Variants in ULK4 observed in about 807,000 individuals in gnomAD.
ULK4 encodes the protein inactive serine/threonine-protein kinase ULK4.
A neutral mutation model predicts 160.6 loss-of-function variants in ULK4; 133 were observed. The ratio of observed to expected loss-of-function variants is 0.83; its 90% CI spans 0.72 to 0.96. ULK4 has a LOEUF of 0.96. Ranked by LOEUF, ULK4 falls within the 40% of genes least tolerant of loss-of-function variation. ULK4 has a pLI of 0.00. For missense variants in ULK4, 1,580 were observed against 1,499.5 expected, an observed-to-expected ratio of 1.05 and a Z score of -0.89; for synonymous variants, 534 against 539.8, an observed-to-expected ratio of 0.99 and a Z score of 0.15.
At chr3:41,571,987 G>A (rs961421653) in intron 31 of ULK4, among the ~76,000 whole-genome samples, 2 of 152,122 alleles carry the variant, frequency 1.3e-5, no homozygotes, top group African/African-American at 2.4e-5. Flanking sequence ...CACTGATAAC[G>A]TATTGAGAAC....
chr3:41,825,412 G>T (rs1212959363), intron 18 of ULK4, among the ~76,000 whole-genome samples: 1 of 139,548 alleles, frequency 7.2e-6, no homozygotes, highest in South Asian at 2.1e-4. Context: ...TAAAAACCTT[G>T]AAAAAAAATT....
At chr3:41,909,773 ATACAT>A (rs987277177) in intron 11 of ULK4, among the ~76,000 whole-genome samples, 3 of 152,188 alleles carry the variant, frequency 2.0e-5, no homozygotes, top group South Asian at 2.1e-4. Flanking sequence ...ATAGATAAAC[ATACAT>A]TACATTTAAA....
intron 30 of ULK4, among the ~76,000 whole-genome samples, chr3:41,642,552 G>A (rs936567917): frequency 1.3e-5 from 2 of 152,250 alleles, no homozygotes; most frequent in South Asian, 2.1e-4. Flanking sequence ...GTATTCCATG[G>A]TGTATATGTG....
rs377174029 is a variant in ULK4, at chr3:41,681,818, T to G, written c.2782-14A>C. The G allele has an allele frequency of 1.5e-5, 24 of 1,613,798 alleles. No individual in the cohort carries two copies. Among genetic ancestry groups the G allele is most frequent in the Middle Eastern group, 1.7e-4 (1 of 6,058 alleles). On this transcript the variant is annotated splice_polypyrimidine_tract_variant and intron_variant, in intron 27 of 36. Coordinates refer to ENST00000301831, the MANE Select transcript of ULK4 (RefSeq NM_017886.4). ...ATAGTCAACAACCTAAAAGAAAGCA[T>G]GTAAAAGACTCAGAATCTCTATGAA...
At chr3:41,706,397 A>T (rs1346788676) in intron 25 of ULK4, among the ~76,000 whole-genome samples, 16 of 145,184 alleles carry the variant, frequency 1.1e-4, no homozygotes, top group African/African-American at 3.3e-4. Context: ...TATATATATT[A>T]AATATATATA....
chr3:41,740,212 C>G (rs532964163), intron 22 of ULK4, among the ~76,000 whole-genome samples: 1 of 151,872 alleles, frequency 6.6e-6, no homozygotes, highest in Non-Finnish European at 1.5e-5. Flanking sequence ...TTTCCCCACA[C>G]AGTTAACCAA....
chr3:41,887,308 T>C (rs908410447), intron 16 of ULK4, among the ~76,000 whole-genome samples: 16 of 152,242 alleles, frequency 1.1e-4, no homozygotes, highest in Non-Finnish European at 1.9e-4. Context: ...TACCATTGTG[T>C]CATGACAATT....
At chr3:41,300,837 T>TTATATA (rs66602936) in intron 35 of ULK4, among the ~76,000 whole-genome samples, 648 of 57,412 alleles carry the variant, frequency 0.011, 11 homozygotes, top group Non-Finnish European at 0.017. Flanking sequence ...ATTTTACAGA[T>TTATATA]TATATATATA....
intron 20 of ULK4, among the ~76,000 whole-genome samples, chr3:41,790,292 A>G (rs996173911): frequency 6.6e-6 from 1 of 152,238 alleles, no homozygotes; most frequent in Non-Finnish European, 1.5e-5. Flanking sequence ...AGGTAGTATT[A>G]TTATCCTCAT....
intron 34 of ULK4, among the ~76,000 whole-genome samples, chr3:41,453,523 C>T (rs565503026): frequency 2.0e-5 from 3 of 152,278 alleles, no homozygotes; most frequent in South Asian, 4.1e-4. Context: ...ATACTATATG[C>T]CAGGTCCTGT....
chr3:41,676,725 G>C (rs982776614), intron 29 of ULK4, among the ~76,000 whole-genome samples: 1 of 151,990 alleles, frequency 6.6e-6, no homozygotes, highest in Non-Finnish European at 1.5e-5. Context: ...GATACATTTA[G>C]TATCAGGTAA....
intron 22 of ULK4, among the ~76,000 whole-genome samples, chr3:41,724,901 G>C (rs757721555): frequency 3.9e-5 from 6 of 152,070 alleles, no homozygotes; most frequent in Non-Finnish European, 8.8e-5. Context: ...TGACCATCTG[G>C]AGATAACCAG....
intron 2 of ULK4, among the ~76,000 whole-genome samples, chr3:41,953,997 C>T (rs1432624373): frequency 6.6e-6 from 1 of 151,960 alleles, no homozygotes; most frequent in Non-Finnish European, 1.5e-5. Flanking sequence ...TCCTGGCTAA[C>T]ACAGTGAAAC....
chr3:41,905,587 T>A (rs974975516), intron 12 of ULK4, among the ~76,000 whole-genome samples: 3 of 152,054 alleles, frequency 2.0e-5, no homozygotes, highest in African/African-American at 7.2e-5. Context: ...TTGTTATAAC[T>A]CCTATCTAGA....
intron 35 of ULK4, among the ~76,000 whole-genome samples, chr3:41,255,486 AAAAT>A (rs1169506589): frequency 9.8e-5 from 15 of 152,322 alleles, no homozygotes; most frequent in Admixed American, 7.8e-4. Flanking sequence ...TCCATCTCAA[AAAAT>A]AAATAAATAA....
At chr3:41,656,050 T>C (rs2034924592) in intron 30 of ULK4, among the ~76,000 whole-genome samples, 1 of 152,230 alleles carries the variant, frequency 6.6e-6, no homozygotes, top group Admixed American at 6.5e-5. Flanking sequence ...TGCAGTTTTT[T>C]TCTGCTATTG....
intron 32 of ULK4, among the ~76,000 whole-genome samples, chr3:41,534,114 ACTTT>A (rs1429596648): frequency 6.6e-6 from 1 of 152,192 alleles, no homozygotes; most frequent in Non-Finnish European, 1.5e-5. Flanking sequence ...CCGAAAGTAC[ACTTT>A]CTTTATTCTT....
At chr3:41,552,820 G>T (rs1170106828) in intron 32 of ULK4, among the ~76,000 whole-genome samples, 1 of 151,260 alleles carries the variant, frequency 6.6e-6, no homozygotes, top group Non-Finnish European at 1.5e-5. Context: ...CAACAGAAAA[G>T]GTTGGAGGCA....
chr3:41,804,379 T>A (rs934568136), intron 19 of ULK4, among the ~76,000 whole-genome samples: 6 of 152,172 alleles, frequency 3.9e-5, no homozygotes, highest in Non-Finnish European at 2.9e-5. Context: ...ATTCTGGATA[T>A]TAGCCCTTTG....
Sources: gnomAD v4.1 joint callset for allele counts (sites outside exome capture counted in the v4.1 genomes callset) on GRCh38, gnomAD v4.1.1 for gene constraint, MANE v1.5 for transcripts, NCBI Gene and HGNC (gene_info 2026-07-23, HGNC 2026-07-21) for gene names.